PPP2R5E: variants seen among roughly 807,000 people sequenced by gnomAD.
PPP2R5E encodes protein phosphatase 2 regulatory subunit B'epsilon.
PPP2R5E carries 4 observed loss-of-function variants against 65.3 expected under a neutral mutation model. That is an observed-to-expected ratio of 0.06 (90% CI 0.03 to 0.14). The LOEUF (loss-of-function observed/expected upper bound fraction) is 0.14, where lower values mean the gene tolerates loss of function less well. Among genes scored for constraint, PPP2R5E ranks in the 10% least tolerant of loss-of-function variants. The pLI is 1.00. For synonymous variants in PPP2R5E, 183 were observed against 187.4 expected, an observed-to-expected ratio of 0.98 and a Z score of 0.19; for missense variants, 274 against 556.1, an observed-to-expected ratio of 0.49 and a Z score of 5.10.
At chr14:63,522,582 G>A (rs1471525861) in intron 2 of PPP2R5E, among the ~76,000 whole-genome samples, 1 of 146,174 alleles carries the variant, frequency 6.8e-6, no homozygotes, top group African/African-American at 2.6e-5. Flanking sequence ...TGTGGGGAGC[G>A]CCTCTGCCCC....
intron 2 of PPP2R5E, among the ~76,000 whole-genome samples, chr14:63,486,291 A>C (rs1890991534): frequency 6.4e-5 from 6 of 93,488 alleles, no homozygotes; most frequent in South Asian, 3.1e-4. Flanking sequence ...TTCTTTCCCC[A>C]TTACACACAC....
chr14:63,413,901 A>C (rs1160934257), intron 5 of PPP2R5E, among the ~76,000 whole-genome samples: 4 of 152,206 alleles, frequency 2.6e-5, no homozygotes, highest in Non-Finnish European at 5.9e-5. Context: ...AATGTGAAGT[A>C]TTGCTCAAGG....
intron 4 of PPP2R5E, among the ~76,000 whole-genome samples, chr14:63,416,363 C>T (rs1215457489): frequency 6.6e-6 from 1 of 152,180 alleles, no homozygotes; most frequent in Non-Finnish European, 1.5e-5. Context: ...CTTTTCCTTA[C>T]TAACTGTGTA....
intron 4 of PPP2R5E, among the ~76,000 whole-genome samples, chr14:63,421,326 G>A (rs939315611): frequency 7.9e-5 from 12 of 152,202 alleles, no homozygotes; most frequent in Middle Eastern, 3.4e-3. Context: ...AGGAAGGAAC[G>A]AGCTGGAAAA....
At chr14:63,497,631 C>T (rs976860241) in intron 2 of PPP2R5E, among the ~76,000 whole-genome samples, 2 of 152,008 alleles carry the variant, frequency 1.3e-5, no homozygotes, top group African/African-American at 4.8e-5. Context: ...GCCTGTAATC[C>T]CAGCTATTCA....
At chr14:63,425,167 G>A (rs1887262949) in intron 3 of PPP2R5E, among the ~76,000 whole-genome samples, 2 of 152,232 alleles carry the variant, frequency 1.3e-5, no homozygotes, top group African/African-American at 4.8e-5. Flanking sequence ...CTAGATGACA[G>A]AAAAAAATGA....
At chr14:63,520,970 T>C (rs1447505754) in intron 2 of PPP2R5E, among the ~76,000 whole-genome samples, 1 of 145,556 alleles carries the variant, frequency 6.9e-6, no homozygotes, top group Non-Finnish European at 1.5e-5. Context: ...ACCAGGGAGG[T>C]AGAGCTTGCA....
intron 13 of PPP2R5E, among the ~76,000 whole-genome samples, chr14:63,379,365 G>A (rs1042755575): frequency 2.6e-5 from 4 of 152,098 alleles, no homozygotes; most frequent in African/African-American, 4.8e-5. Context: ...TCCCCTTCCC[G>A]GGTTCAAGTG....
intron 7 of PPP2R5E, 142 bp from the exon 8 acceptor site, chr14:63,394,070 C>CTTTTTT (rs557273298): frequency 5.0e-5 from 9 of 181,334 alleles, no homozygotes; most frequent in South Asian, 1.7e-4. Flanking sequence ...TCAGAATTTC[C>CTTTTTT]TTTTTTTTTT....
At chr14:63,440,690 G>A (rs1005894353) in intron 3 of PPP2R5E, among the ~76,000 whole-genome samples, 7 of 151,416 alleles carry the variant, frequency 4.6e-5, no homozygotes, top group African/African-American at 1.2e-4. Flanking sequence ...CGTAATCCCA[G>A]CACTTTGGGA....
chr14:63,501,311 A>G (rs915437771), intron 2 of PPP2R5E, among the ~76,000 whole-genome samples: 1 of 151,866 alleles, frequency 6.6e-6, no homozygotes, highest in African/African-American at 2.4e-5. Context: ...AGGCTGAGGC[A>G]GGAGAATGGC....
intron 5 of PPP2R5E, among the ~76,000 whole-genome samples, chr14:63,402,643 T>C (rs919655839): frequency 5.9e-5 from 9 of 152,084 alleles, no homozygotes; most frequent in Non-Finnish European, 1.0e-4. Context: ...GTTCAACATA[T>C]AATAAATAAA....
At chr14:63,512,414 G>A (rs1407012314) in intron 2 of PPP2R5E, among the ~76,000 whole-genome samples, 1 of 152,214 alleles carries the variant, frequency 6.6e-6, no homozygotes, top group Non-Finnish European at 1.5e-5. Context: ...CATTTATGCT[G>A]TATTGAAAGT....
At chr14:63,490,743 G>T (rs552456780) in intron 2 of PPP2R5E, among the ~76,000 whole-genome samples, 1 of 152,102 alleles carries the variant, frequency 6.6e-6, no homozygotes, top group African/African-American at 2.4e-5. Flanking sequence ...TAACATGTTG[G>T]CAAGGTTGCA....
chr14:63,374,665 AT>A lies in PPP2R5E; in HGVS notation c.*1343del, dbSNP rs1883887552. On this transcript the variant is annotated 3_prime_UTR_variant, in exon 14 of 14. Coordinates refer to ENST00000337537, the MANE Select transcript of PPP2R5E (RefSeq NM_006246.5). ...TATATATATATATATATATATATATATATAAAATACAGCCCTAGATTTTGTT... is the reference window on the plus strand; with the variant it reads ...TATATATATATATATATATATATATAATAAAATACAGCCCTAGATTTTGTT... The A allele has an allele frequency of 2.2e-5, 3 of 136,948 alleles. No homozygotes were observed. Among genetic ancestry groups the A allele is most frequent in the Admixed American group, 7.1e-5 (1 of 14,136 alleles). 8.5% of individuals were successfully genotyped at this position (136,948 alleles called of 1,614,324 possible).
In PPP2R5E at chr14:63,386,923, C is replaced by CAAAAA. The variant is rs34820715; in HGVS notation, c.1075-2357_1075-2353dup. ...TGGGCAACACAGCAAGACTCCATCT[C>CAAAAA]AAAAAAAAAAAAAAGAAGAAAGAAA... On this transcript the variant is annotated intron_variant, in intron 11 of 13. Coordinates refer to ENST00000337537, the MANE Select transcript of PPP2R5E (RefSeq NM_006246.5). Among the ~76,000 whole-genome samples, 3 of 122,744 alleles carry CAAAAA rather than the reference C, an allele frequency of 2.4e-5. 1 individual carries two copies. Among genetic ancestry groups the CAAAAA allele is most frequent in the African/African-American group, 5.8e-5 (2 of 34,624 alleles). 80.5% of individuals were successfully genotyped at this position (122,744 alleles called of 152,430 possible).
At chr14:63,530,226 G>GTTTTTTTTTTT (rs555112537) in intron 2 of PPP2R5E, among the ~76,000 whole-genome samples, 1 of 99,484 alleles carries the variant, frequency 1.0e-5, no homozygotes, top group Non-Finnish European at 1.9e-5. Flanking sequence ...AAATTTTTCC[G>GTTTTTTTTTTT]TTTTTTTTTT....
intron 3 of PPP2R5E, among the ~76,000 whole-genome samples, chr14:63,439,626 G>A (rs190386752): frequency 9.9e-5 from 15 of 152,218 alleles, no homozygotes; most frequent in African/African-American, 2.9e-4. Flanking sequence ...CACCCTCCTC[G>A]GCCTCCCAAA....
At chr14:63,491,417 C>T (rs1264563646) in intron 2 of PPP2R5E, among the ~76,000 whole-genome samples, 2 of 151,678 alleles carry the variant, frequency 1.3e-5, no homozygotes, top group African/African-American at 4.8e-5. Context: ...TTGAGATATG[C>T]TGTAAATATA....
Sources: gnomAD v4.1 joint callset for allele counts (sites outside exome capture counted in the v4.1 genomes callset) on GRCh38, gnomAD v4.1.1 for gene constraint, MANE v1.5 for transcripts, NCBI Gene and HGNC (gene_info 2026-07-23, HGNC 2026-07-21) for gene names.